The following COL23A1 variants were observed in gnomAD, a reference collection of about 807,000 sequenced individuals.
The protein encoded by COL23A1 is collagen alpha-1(XXIII) chain.
COL23A1 carries 97 observed loss-of-function variants against 99.3 expected under a neutral mutation model. The observed-to-expected ratio is 0.98, with a 90% CI of 0.83 to 1.16. The LOEUF is 1.16. Among genes scored for constraint, COL23A1 ranks in the 50% most tolerant of loss-of-function variants. The pLI is 0.00. For missense variants in COL23A1, 762 were observed against 757.4 expected, an observed-to-expected ratio of 1.01 and a Z score of -0.07; for synonymous variants, 320 against 308.2, an observed-to-expected ratio of 1.04 and a Z score of -0.40.
chr5:178,418,687 T>G (rs1182977384), intron 2 of COL23A1, among the ~76,000 whole-genome samples: 1 of 144,958 alleles, frequency 6.9e-6, no homozygotes, highest in Non-Finnish European at 1.5e-5. Context: ...CCAAGTCCTT[T>G]GTAGGTGGCA....
At chr5:178,419,091 C>T (rs971437231) in intron 2 of COL23A1, among the ~76,000 whole-genome samples, 6 of 152,190 alleles carry the variant, frequency 3.9e-5, no homozygotes, top group African/African-American at 7.2e-5. Context: ...CTGTCCTCCT[C>T]CACCCAGGCG....
intron 5 of COL23A1, among the ~76,000 whole-genome samples, chr5:178,284,243 G>A (rs1000924583): frequency 1.1e-4 from 17 of 152,158 alleles, no homozygotes; most frequent in Non-Finnish European, 2.9e-5. Flanking sequence ...TAAACTCTAT[G>A]CCTGCAATTC....
chr5:178,291,457 G>A (rs1484311293), intron 3 of COL23A1, among the ~76,000 whole-genome samples: 1 of 152,204 alleles, frequency 6.6e-6, no homozygotes, highest in Non-Finnish European at 1.5e-5. Flanking sequence ...TCCAGAGGGT[G>A]AGAAAAGAGG....
chr5:178,469,151 A>G (rs1361303872), intron 2 of COL23A1, among the ~76,000 whole-genome samples: 1 of 152,194 alleles, frequency 6.6e-6, no homozygotes, highest in East Asian at 1.9e-4. Flanking sequence ...ATCCATTCTG[A>G]TAAACACGTG....
At chr5:178,491,185 G>A (rs779565559) in intron 2 of COL23A1, among the ~76,000 whole-genome samples, 31 of 151,746 alleles carry the variant, frequency 2.0e-4, no homozygotes, top group Non-Finnish European at 3.5e-4. Flanking sequence ...AGAAGAGAAC[G>A]AGGAGGGGGG....
chr5:178,258,771 T>G (rs562697816), intron 12 of COL23A1, among the ~76,000 whole-genome samples: 1 of 152,072 alleles, frequency 6.6e-6, no homozygotes, highest in East Asian at 1.9e-4. Context: ...CATAGCTTAC[T>G]ACAGCCTCAA....
chr5:178,515,770 T>A (rs1759469584), intron 2 of COL23A1, among the ~76,000 whole-genome samples: 1 of 152,092 alleles, frequency 6.6e-6, no homozygotes, highest in African/African-American at 2.4e-5. Context: ...GCCACCTGCA[T>A]CGTGCCCCTT....
At chr5:178,527,162 G>A (rs1760354270) in intron 2 of COL23A1, among the ~76,000 whole-genome samples, 1 of 152,126 alleles carries the variant, frequency 6.6e-6, no homozygotes. Context: ...AGGGCTCAGG[G>A]AGGCAGCAAG....
At chr5:178,276,242 C>T (rs971673785) in intron 5 of COL23A1, among the ~76,000 whole-genome samples, 1 of 152,034 alleles carries the variant, frequency 6.6e-6, no homozygotes. Context: ...TCCCCAAGAT[C>T]GGCTCCAGCA....
intron 2 of COL23A1, among the ~76,000 whole-genome samples, chr5:178,334,067 C>T (rs1760187138): frequency 6.6e-6 from 1 of 152,174 alleles, no homozygotes; most frequent in African/African-American, 2.4e-5. Flanking sequence ...GTCCTCCACC[C>T]CATGCCCTGG....
chr5:178,246,518 T>C (rs1014793924), intron 22 of COL23A1, 65 bp from the exon 23 acceptor site: 2 of 1,490,066 alleles, frequency 1.3e-6, no homozygotes, highest in African/African-American at 2.8e-5. Flanking sequence ...ACAGGCAAGC[T>C]TGGAGACTGC....
chr5:178,559,032 C>T (rs1165595266), intron 2 of COL23A1, among the ~76,000 whole-genome samples: 1 of 152,178 alleles, frequency 6.6e-6, no homozygotes, highest in African/African-American at 2.4e-5. Context: ...TCAGGTGATC[C>T]ACCTGCCTCG....
In COL23A1 at chr5:178,255,837, A is replaced by G; in HGVS notation, c.882+516T>C. 2.4e-6 allele frequency: 1 copy of G among 410,788 alleles called. No homozygotes were observed. The highest frequency in any genetic ancestry group is 5.0e-6 in the Non-Finnish European group (1 of 200,534). The allele number at this position is 410,788 out of a possible 1,614,324, so 25.4% of individuals were successfully genotyped here. ...TCCATTTTTTTTGGAGGAAGAAGCC[A>G]GCCTCTGGGAGCATGAGGAGACAGA... On this transcript the variant is annotated intron_variant, in intron 15 of 28. Transcript: ENST00000390654. The surrounding 1 kb of genome is among the most constrained non-coding windows in gnomAD (Gnocchi z 4.2).
At chr5:178,273,239 G>A (rs1007255324) in intron 5 of COL23A1, among the ~76,000 whole-genome samples, 1 of 152,232 alleles carries the variant, frequency 6.6e-6, no homozygotes, top group Non-Finnish European at 1.5e-5. Flanking sequence ...CCCAGAGGGA[G>A]CATCTCAGTG....
At chr5:178,414,680 G>A (rs1375026627) in intron 2 of COL23A1, among the ~76,000 whole-genome samples, 1 of 152,216 alleles carries the variant, frequency 6.6e-6, no homozygotes, top group Non-Finnish European at 1.5e-5. Context: ...GCTGAGTCAG[G>A]AGAATCACTT....
intron 2 of COL23A1, among the ~76,000 whole-genome samples, chr5:178,357,285 C>T (rs1432086073): frequency 6.6e-6 from 1 of 152,182 alleles, no homozygotes; most frequent in Non-Finnish European, 1.5e-5. Context: ...TTCTCACAGG[C>T]TTCTGGTCTG....
In COL23A1 at chr5:178,468,235, C is replaced by T. The variant is rs1756532818; in HGVS notation, c.361+92447G>A. Among the ~76,000 whole-genome samples, 1 of 152,006 alleles carries T rather than the reference C, an allele frequency of 6.6e-6. No homozygotes were observed. On this transcript the variant is annotated intron_variant, in intron 2 of 28. Transcript: ENST00000390654. This position sits in a 1 kb window ranked among gnomAD's most constrained non-coding sequence, Gnocchi z 4.2. ...ACCCCACCCAGACTCCAGCCAGAAGCCACGGCAAGCCGCCAGTGTCGAGCA... is the reference window on the plus strand; with the variant it reads ...ACCCCACCCAGACTCCAGCCAGAAGTCACGGCAAGCCGCCAGTGTCGAGCA...
At chr5:178,588,691 G>A (rs1764119906) in intron 1 of COL23A1, among the ~76,000 whole-genome samples, 1 of 152,144 alleles carries the variant, frequency 6.6e-6, no homozygotes, top group African/African-American at 2.4e-5. Context: ...TTAAATTAAA[G>A]TGACTAAGAA....
In COL23A1 at chr5:178,379,660, T is replaced by A. The variant is rs568288831; in HGVS notation, c.362-72741A>T. On this transcript the variant is annotated intron_variant, in intron 2 of 28. Transcript: ENST00000390654. ...ACTTTGGGAGGCCGAGGTGGGCGGA[T>A]CACCGGAGGTCGGGAGTTCGAGACC... Among the ~76,000 whole-genome samples, 12 of 152,240 alleles carry A rather than the reference T, an allele frequency of 7.9e-5. No homozygotes were observed. In the South Asian group the frequency reaches 1.9e-3, roughly 24 times the overall value.
Sources: gnomAD v4.1 joint callset for allele counts (sites outside exome capture counted in the v4.1 genomes callset) on GRCh38, gnomAD v4.1.1 for gene constraint, Gnocchi (gnomAD v3.1) non-coding constraint, MANE v1.5 for transcripts, NCBI Gene and HGNC (gene_info 2026-07-23, HGNC 2026-07-21) for gene names.